The following PTK7 variants were observed in gnomAD, a reference collection of about 807,000 sequenced individuals.
The protein encoded by PTK7 is inactive tyrosine-protein kinase 7.
Under a neutral mutation model 116.6 loss-of-function variants are expected in PTK7, and 39 were observed. That is an observed-to-expected ratio of 0.33 (90% CI 0.26 to 0.44). PTK7 has a LOEUF of 0.44. Among genes scored for constraint, PTK7 ranks in the 20% least tolerant of loss-of-function variants. The pLI is 1.00. For missense variants in PTK7, 1,169 were observed against 1,425.6 expected (o/e 0.82, Z 2.90); for synonymous variants, 546 against 563.6 (o/e 0.97, Z 0.44).
Position 43,143,580 on chromosome 6 carries a change from G to C in PTK7, c.2211G>C (p.Lys737Asn). 6.2e-7 allele frequency: 1 copy of C among 1,613,266 alleles called. No individual in the cohort carries two copies. Among genetic ancestry groups the C allele is most frequent in the South Asian group, 1.1e-5 (1 of 91,042 alleles). The change falls in exon 14 of 20, where the codon AAG becomes AAC. Residue 737 changes from lysine to asparagine, a missense_variant. Physicochemically the swap from Lys to Asn is moderately conservative, Grantham distance 94. Coordinates refer to ENST00000230419, the MANE Select transcript of PTK7 (RefSeq NM_002821.5). The surrounding 1 kb of genome is among the most constrained non-coding windows in gnomAD (Gnocchi z 4.2). ...KKRCKAKRLQ[K>N]QPEGEEPEME... ...GCTGCAAAGCCAAGCGGCTGCAGAAGCAGCCCGAGGGCGAGGAGCCAGAGA... is the reference window on the plus strand; with the variant it reads ...GCTGCAAAGCCAAGCGGCTGCAGAACCAGCCCGAGGGCGAGGAGCCAGAGA...
intron 17 of PTK7, among the ~76,000 whole-genome samples, chr6:43,155,954 C>T (rs57870978): frequency 0.067 from 10,186 of 151,884 alleles, 673 homozygotes; most frequent in East Asian, 0.38. Context: ...TGAGGCCAGG[C>T]GTGGTGGCTC....
At chr6:43,119,994 AC>A (rs1342639500) in intron 1 of PTK7, among the ~76,000 whole-genome samples, 1 of 152,020 alleles carries the variant, frequency 6.6e-6, no homozygotes, top group Non-Finnish European at 1.5e-5. Context: ...GGGGTTTTTA[AC>A]TTTCCTGAAA....
chr6:43,137,558 G>A (rs571362158), intron 7 of PTK7, among the ~76,000 whole-genome samples: 1 of 152,328 alleles, frequency 6.6e-6, no homozygotes. Context: ...ATGCCAGTAG[G>A]CAATTGGATT....
At chr6:43,146,901 TTGTC>T (rs1186111966) in intron 17 of PTK7, among the ~76,000 whole-genome samples, 4 of 152,208 alleles carry the variant, frequency 2.6e-5, no homozygotes, top group East Asian at 1.9e-4. Context: ...GCTTAGGAGG[TTGTC>T]TGACCTGTCC....
At chr6:43,131,045 A>ACG (rs1460702632) in intron 5 of PTK7, among the ~76,000 whole-genome samples, 1 of 143,426 alleles carries the variant, frequency 7.0e-6, no homozygotes, top group Admixed American at 6.7e-5. Flanking sequence ...ACACACACAC[A>ACG]CACACACACA....
intron 1 of PTK7, among the ~76,000 whole-genome samples, chr6:43,104,681 G>A (rs1226085257): frequency 6.6e-6 from 1 of 152,108 alleles, no homozygotes; most frequent in Non-Finnish European, 1.5e-5. Flanking sequence ...GCTCACCTCA[G>A]CCTCCCAGAG....
At chr6:43,126,005 C>T (rs1022579596) in intron 1 of PTK7, among the ~76,000 whole-genome samples, 2 of 152,128 alleles carry the variant, frequency 1.3e-5, no homozygotes, top group Admixed American at 1.3e-4. Flanking sequence ...GACAAGCCTC[C>T]TGGAGTTGTG....
chr6:43,126,086 G>A (rs1318398984), intron 1 of PTK7, among the ~76,000 whole-genome samples: 4 of 152,112 alleles, frequency 2.6e-5, no homozygotes, highest in Non-Finnish European at 5.9e-5. Flanking sequence ...TTAGGAGGCC[G>A]AGGTGGGTGG....
In PTK7 at chr6:43,143,728, T is replaced by C. The variant is rs1561978786; in HGVS notation, c.2251+108T>C. 2.4e-6 allele frequency: 3 copies of C among 1,256,008 alleles called. No homozygotes were observed. The highest frequency in any genetic ancestry group is 3.3e-6 in the Non-Finnish European group (3 of 919,544). 77.8% of individuals were successfully genotyped at this position (1,256,008 alleles called of 1,614,324 possible). On this transcript the variant is annotated intron_variant, in intron 14 of 19. Transcript: ENST00000230419. The surrounding 1 kb of genome is among the most constrained non-coding windows in gnomAD (Gnocchi z 4.2). Reference sequence around the variant, plus strand: ...ACTCTGGAAACCGAGCGGCTGTTGCTGGGTCCTGGAGCTGGGACTGCCCCA... The same window carrying C: ...ACTCTGGAAACCGAGCGGCTGTTGCCGGGTCCTGGAGCTGGGACTGCCCCA...
At chr6:43,122,490 C>T (rs550586215) in intron 1 of PTK7, among the ~76,000 whole-genome samples, 68 of 152,266 alleles carry the variant, frequency 4.5e-4, no homozygotes, top group African/African-American at 1.6e-3. Flanking sequence ...AAACCTCTCC[C>T]TTGGGGGTCT....
intron 1 of PTK7, among the ~76,000 whole-genome samples, chr6:43,095,533 CAGGA>C (rs1767205445): frequency 6.6e-6 from 1 of 152,120 alleles, no homozygotes. Context: ...CACTGAGGCC[CAGGA>C]AGGAAAGGGG....
Position 43,131,726 on chromosome 6 carries a change from G to T in PTK7, c.813-290G>T, listed in dbSNP as rs189796610. ...GGAGCTACAATTTAAGATGAGATTT[G>T]AGTGGGGACACAGCCAAACCATATC... On this transcript the variant is annotated intron_variant, in intron 5 of 19. Coordinates refer to ENST00000230419, the MANE Select transcript of PTK7 (RefSeq NM_002821.5). 2.6e-4 allele frequency: 116 copies of T among 443,744 alleles called. No homozygotes were observed. In the East Asian group the frequency reaches 5.3e-3, roughly 20 times the overall value. The allele number at this position is 443,744 out of a possible 1,614,324, so 27.5% of individuals were successfully genotyped here.
At chr6:43,138,737 A>G (rs986719058) in intron 7 of PTK7, 112 bp from the exon 8 acceptor site, 2 of 1,418,174 alleles carry the variant, frequency 1.4e-6, no homozygotes, top group Admixed American at 2.4e-5. Flanking sequence ...TCTGAGGAGC[A>G]TGGGGCTTCT....
At chr6:43,100,999 G>A (rs1029108563) in intron 1 of PTK7, among the ~76,000 whole-genome samples, 8 of 152,076 alleles carry the variant, frequency 5.3e-5, no homozygotes, top group South Asian at 2.1e-4. Flanking sequence ...TTGGGAGGCC[G>A]AGGCGGGCAG....
At chr6:43,104,574 C>T (rs1461552818) in intron 1 of PTK7, among the ~76,000 whole-genome samples, 1 of 151,958 alleles carries the variant, frequency 6.6e-6, no homozygotes, top group Non-Finnish European at 1.5e-5. Context: ...CCACGCCTAG[C>T]TAATTTTTGT....
At chr6:43,109,345 T>A (rs1471324543) in intron 1 of PTK7, among the ~76,000 whole-genome samples, 1 of 151,758 alleles carries the variant, frequency 6.6e-6, no homozygotes, top group Non-Finnish European at 1.5e-5. Flanking sequence ...CCAGCAGGCC[T>A]TGAATCTTTT....
intron 1 of PTK7, among the ~76,000 whole-genome samples, chr6:43,083,199 G>C (rs142563854): frequency 7.8e-4 from 119 of 152,362 alleles, no homozygotes; most frequent in African/African-American, 2.8e-3. Flanking sequence ...TCAACCTCCT[G>C]CTCTCCCTAA....
Position 43,141,527 on chromosome 6 carries a change from C to T in PTK7, c.1619-141C>T, listed in dbSNP as rs1027637089. 2 of 981,220 alleles carry T rather than the reference C, an allele frequency of 2.0e-6. No homozygotes were observed. The highest frequency in any genetic ancestry group is 3.2e-5 in the African/African-American group (2 of 61,596). The allele number at this position is 981,220 out of a possible 1,614,324, so 60.8% of individuals were successfully genotyped here. A position where few individuals can be genotyped will look rare whatever the true frequency, so the allele number is the denominator to read the frequency against. On this transcript the variant is annotated intron_variant, in intron 10 of 19. Transcript: ENST00000230419. The surrounding 1 kb of genome is among the most constrained non-coding windows in gnomAD (Gnocchi z 4.9). Reference sequence around the variant, plus strand: ...GTAAATAACGGAGGGGCTTCTAACACTTGGCTCAGGAGTTTGGACTTTGCC... The same window carrying T: ...GTAAATAACGGAGGGGCTTCTAACATTTGGCTCAGGAGTTTGGACTTTGCC...
intron 1 of PTK7, among the ~76,000 whole-genome samples, chr6:43,088,730 T>TAAAA (rs1561934233): frequency 6.6e-6 from 1 of 151,084 alleles, no homozygotes; most frequent in African/African-American, 2.4e-5. Flanking sequence ...AATAAATAAA[T>TAAAA]AAAGAGTTAT....
Sources: allele counts gnomAD v4.1 joint callset (sites outside exome capture counted in the v4.1 genomes callset), GRCh38; gene constraint gnomAD v4.1.1; non-coding constraint Gnocchi (gnomAD v3.1); transcripts MANE v1.5; gene names NCBI Gene and HGNC (gene_info 2026-07-23, HGNC 2026-07-21).